Variants in SPOCK3 observed in about 807,000 individuals in gnomAD.
SPOCK3 encodes the protein SPARC (osteonectin), cwcv and kazal like domains proteoglycan 3.
SPOCK3 carries 30 observed loss-of-function variants against 56.6 expected under a neutral mutation model. The observed-to-expected ratio is 0.53, with a 90% CI of 0.40 to 0.72. SPOCK3 has a LOEUF of 0.72. Among genes scored for constraint, SPOCK3 ranks in the 30% least tolerant of loss-of-function variants. SPOCK3 has a pLI of 0.00. For synonymous variants in SPOCK3, 196 were observed against 183.3 expected (o/e 1.07, Z -0.56); for missense variants, 527 against 530.0 (o/e 0.99, Z 0.06).
chr4:167,180,473 T>A (rs1426839205), intron 2 of SPOCK3, among the ~76,000 whole-genome samples: 1 of 152,090 alleles, frequency 6.6e-6, no homozygotes, highest in Non-Finnish European at 1.5e-5. Flanking sequence ...TCATTACCCG[T>A]GAGGAGAAAG....
intron 4 of SPOCK3, among the ~76,000 whole-genome samples, chr4:166,999,033 T>C (rs1748682840): frequency 6.6e-6 from 1 of 152,150 alleles, no homozygotes; most frequent in African/African-American, 2.4e-5. Context: ...TCAGGATTGA[T>C]GGGGGATATG....
intron 2 of SPOCK3, among the ~76,000 whole-genome samples, chr4:167,205,306 ATTATATATT>A (rs1402479698): frequency 2.4e-5 from 1 of 42,274 alleles, no homozygotes; most frequent in East Asian, 6.1e-4. Context: ...TATAATATAT[ATTATATATT>A]TTATATATAT....
At chr4:167,204,378 G>C (rs762840682) in intron 2 of SPOCK3, among the ~76,000 whole-genome samples, 24 of 152,056 alleles carry the variant, frequency 1.6e-4, no homozygotes, top group Non-Finnish European at 2.4e-4. Flanking sequence ...ATTGACTCAC[G>C]TTCCACACAT....
intron 2 of SPOCK3, among the ~76,000 whole-genome samples, chr4:167,126,644 A>G (rs866266640): frequency 7.9e-5 from 12 of 152,078 alleles, no homozygotes; most frequent in African/African-American, 2.4e-4. Context: ...AAAATCCTTA[A>G]AATAGACAAT....
intron 2 of SPOCK3, among the ~76,000 whole-genome samples, chr4:167,181,791 C>A (rs1731479170): frequency 6.6e-6 from 1 of 152,118 alleles, no homozygotes; most frequent in East Asian, 1.9e-4. Flanking sequence ...TTTGACCACC[C>A]AATACATGAA....
intron 6 of SPOCK3, among the ~76,000 whole-genome samples, chr4:166,795,449 TA>T (rs1741832833): frequency 6.6e-6 from 1 of 152,100 alleles, no homozygotes; most frequent in Non-Finnish European, 1.5e-5. Context: ...GGAGTATTAT[TA>T]AAAATAATAC....
intron 6 of SPOCK3, among the ~76,000 whole-genome samples, chr4:166,860,345 A>C (rs1731102459): frequency 6.6e-6 from 1 of 152,056 alleles, no homozygotes. Flanking sequence ...TATTCAGGAA[A>C]ATTTTTTATT....
At chr4:167,098,135 T>C (rs1156343722) in intron 2 of SPOCK3, among the ~76,000 whole-genome samples, 1 of 152,004 alleles carries the variant, frequency 6.6e-6, no homozygotes, top group Non-Finnish European at 1.5e-5. Context: ...GCAACTCTTA[T>C]AAGGTCTTTT....
At position 167,143,072 on chromosome 4, in the gene SPOCK3, G is replaced by A. The variant is rs561128684; in HGVS notation, c.190-80535C>T. 2.0e-5 allele frequency among the ~76,000 whole-genome samples: 3 copies of A among 152,114 alleles called. No homozygotes were observed. The East Asian group carries it at 5.8e-4, about 29-fold the overall frequency. ...AGATCATGGTTGCATCAAAGGAGGG[G>A]AAATAGAGACAGAGACTTATTTTAT... On this transcript the variant is annotated intron_variant, in intron 2 of 10. Transcript: ENST00000357545.
rs76505762 is a variant in SPOCK3 at position 167,141,382 on chromosome 4, T to C, written c.190-78845A>G. Among the ~76,000 whole-genome samples the C allele has an allele frequency of 1.1e-3, 163 of 152,178 alleles. 4 individuals carry two copies. The East Asian group carries it at 0.03, about 28-fold the overall frequency. Reference sequence around the variant, plus strand: ...TCCACAACACCACATTTCTAGTTTATCCTAATCTCTAATCACAATAGGGGA... The same window carrying C: ...TCCACAACACCACATTTCTAGTTTACCCTAATCTCTAATCACAATAGGGGA... On this transcript the variant is annotated intron_variant, in intron 2 of 10. Coordinates refer to ENST00000357545, the MANE Select transcript of SPOCK3 (RefSeq NM_001040159.2).
intron 2 of SPOCK3, among the ~76,000 whole-genome samples, chr4:167,228,006 T>G (rs1736770265): frequency 6.6e-6 from 1 of 152,014 alleles, no homozygotes; most frequent in African/African-American, 2.4e-5. Context: ...TGAAATCATC[T>G]CAAGTTATAA....
chr4:167,010,576 A>G (rs2150143890), intron 3 of SPOCK3, among the ~76,000 whole-genome samples: 1 of 151,466 alleles, frequency 6.6e-6, no homozygotes, highest in Admixed American at 6.6e-5. Flanking sequence ...AGATACATTT[A>G]TGAAAAATAT....
At chr4:167,049,388 A>T (rs1029796236) in intron 3 of SPOCK3, among the ~76,000 whole-genome samples, 1 of 152,186 alleles carries the variant, frequency 6.6e-6, no homozygotes, top group East Asian at 1.9e-4. Context: ...AGTGAAGTAC[A>T]GGTTGATTAC....
At chr4:166,780,144 G>C (rs1213372832) in intron 7 of SPOCK3, among the ~76,000 whole-genome samples, 5 of 152,040 alleles carry the variant, frequency 3.3e-5, no homozygotes, top group African/African-American at 4.8e-5. Flanking sequence ...ATCCATAAGT[G>C]AGTTTATGTC....
intron 6 of SPOCK3, among the ~76,000 whole-genome samples, chr4:166,874,042 T>A (rs1732794155): frequency 6.6e-6 from 1 of 152,150 alleles, no homozygotes; most frequent in South Asian, 2.1e-4. Flanking sequence ...TAGCAAATGA[T>A]CTTGGGAGAT....
intron 2 of SPOCK3, among the ~76,000 whole-genome samples, chr4:167,095,998 A>G (rs1379469138): frequency 6.6e-6 from 1 of 151,916 alleles, no homozygotes. Context: ...CTAAAGAAAA[A>G]AAACCAATTG....
At chr4:167,008,832 C>A (rs938172842) in intron 3 of SPOCK3, among the ~76,000 whole-genome samples, 4 of 151,938 alleles carry the variant, frequency 2.6e-5, no homozygotes, top group Non-Finnish European at 5.9e-5. Flanking sequence ...ACAGTGGGGA[C>A]TCCAACAGCA....
chr4:167,074,459 C>T (rs62352440), intron 2 of SPOCK3, among the ~76,000 whole-genome samples: 1 of 151,844 alleles, frequency 6.6e-6, no homozygotes, highest in Non-Finnish European at 1.5e-5. Context: ...TGAACTGAGG[C>T]CTTCAGTTTC....
At chr4:167,232,939 A>C (rs996567829) in intron 2 of SPOCK3, among the ~76,000 whole-genome samples, 1 of 152,188 alleles carries the variant, frequency 6.6e-6, no homozygotes, top group Non-Finnish European at 1.5e-5. Flanking sequence ...TGATGAAAGA[A>C]GTTAACTCAT....
Sources: gnomAD v4.1 joint callset for allele counts (sites outside exome capture counted in the v4.1 genomes callset) on GRCh38, gnomAD v4.1.1 for gene constraint, MANE v1.5 for transcripts, NCBI Gene and HGNC (gene_info 2026-07-23, HGNC 2026-07-21) for gene names.